The following DNAH2 variants were observed in gnomAD, a reference collection of about 807,000 sequenced individuals.
DNAH2 encodes dynein axonemal heavy chain 2, also known as axonemal beta dynein heavy chain 2.
A neutral mutation model predicts 523.5 loss-of-function variants in DNAH2; 323 were observed. The observed-to-expected ratio is 0.62, with a 90% CI of 0.56 to 0.68. The LOEUF (loss-of-function observed/expected upper bound fraction) is 0.68. Ranked by LOEUF, DNAH2 falls within the 30% of genes least tolerant of loss-of-function variation. DNAH2 has a pLI of 0.00. For synonymous variants in DNAH2, 2,093 were observed against 2,177.4 expected, an observed-to-expected ratio of 0.96 and a Z score of 1.08; for missense variants, 4,907 against 5,701.5, an observed-to-expected ratio of 0.86 and a Z score of 4.49.
At chr17:7,792,450 G>C in intron 46 of DNAH2, 107 bp downstream of exon 46, 1 of 1,236,094 alleles carries the variant, frequency 8.1e-7, no homozygotes, top group South Asian at 1.2e-5. Context: ...GAAGGAGAAG[G>C]TGGGTCCCAG....
intron 9 of DNAH2, 51 bp downstream of exon 9, chr17:7,739,989 G>T (rs1272619475): frequency 6.4e-7 from 1 of 1,550,978 alleles, no homozygotes; most frequent in Non-Finnish European, 8.7e-7. Context: ...GGCAGATCAG[G>T]CAGCCAAGAG....
chr17:7,785,862 G>A (rs1326345837), intron 39 of DNAH2, among the ~76,000 whole-genome samples: 1 of 151,306 alleles, frequency 6.6e-6, no homozygotes, highest in Non-Finnish European at 1.5e-5. Flanking sequence ...CTGTGTCAAT[G>A]AGGAAACTGA....
In DNAH2 at chr17:7,798,462, C is replaced by T; in HGVS notation, c.8399-96C>T. 6.4e-7 allele frequency: 1 copy of T among 1,554,044 alleles called. No homozygotes were observed. The highest frequency in any genetic ancestry group is 8.7e-7 in the Non-Finnish European group (1 of 1,151,466). On this transcript the variant is annotated intron_variant, in intron 54 of 85. Transcript: ENST00000572933. This position sits in a 1 kb window ranked among gnomAD's most constrained non-coding sequence, Gnocchi z 5.5. ...GGTGTAGGATGGTGTCGCGTGTATG[C>T]TGCGGGGCGGGGAGGGTTCCTAAAT...
At position 7,829,258 on chromosome 17, in the gene DNAH2, C is replaced by T. The variant is rs536342723; in HGVS notation, c.11854-1042C>T. Among the ~76,000 whole-genome samples, 12 of 152,222 alleles carry T rather than the reference C, an allele frequency of 7.9e-5. 1 individual carries two copies. The highest frequency in any genetic ancestry group is 2.6e-4 in the African/African-American group (11 of 41,526). On this transcript the variant is annotated intron_variant, in intron 77 of 85. Coordinates refer to ENST00000572933, the MANE Select transcript of DNAH2 (RefSeq NM_020877.5). ...CAAACTCCTGACCTCCTGATCTGCCCACCTCGGCCTCCCAAAGTGCTGGGA... is the reference window on the plus strand; with the variant it reads ...CAAACTCCTGACCTCCTGATCTGCCTACCTCGGCCTCCCAAAGTGCTGGGA...
rs373084871 is a variant in DNAH2 at position 7,799,187 on chromosome 17, G to A, written c.8644G>A (p.Val2882Met). 74 of 1,614,212 alleles carry A rather than the reference G, an allele frequency of 4.6e-5. No homozygotes were observed. The highest frequency in any genetic ancestry group is 4.1e-4 in the South Asian group (37 of 91,086). Residue 2882 changes from valine to methionine, a missense_variant, in exon 56 of 86, where the codon GTG (valine) becomes ATG (methionine). Coordinates refer to ENST00000572933, the MANE Select transcript of DNAH2 (RefSeq NM_020877.5). ...DSLFAYLIER[V>M]QNNLHIVLCL... ...CCTCTTCGCCTACCTCATTGAACGC[G>A]TGCAGAACAACCTGCACATCGTGCT... is the stretch of plus-strand genomic sequence containing the variant.
chr17:7,741,293 T>TCTTTCTTTCTTC lies in DNAH2; in HGVS notation c.1689+304_1689+305insTCTTTCTTCCTT, dbSNP rs1555540783. The stretch of plus-strand genomic sequence containing the variant: ...TTCTTTCTTTCTTTCTTTCTTTCTT[T>TCTTTCTTTCTTC]CTTCCTTCCTTCCCTCCCTCCCTCC... On this transcript the variant is annotated intron_variant, in intron 11 of 85. Transcript: ENST00000572933. Among the ~76,000 whole-genome samples the TCTTTCTTTCTTC allele has an allele frequency of 8.4e-3, 519 of 61,486 alleles. 4 individuals are homozygous for TCTTTCTTTCTTC. Among genetic ancestry groups the TCTTTCTTTCTTC allele is most frequent in the Non-Finnish European group, 0.012 (398 of 34,366 alleles). The allele number at this position is 61,486 out of a possible 152,430, so 40.3% of individuals were successfully genotyped here.
chr17:7,795,606 C>A (rs968474045), intron 49 of DNAH2, among the ~76,000 whole-genome samples: 2 of 149,744 alleles, frequency 1.3e-5, no homozygotes, highest in African/African-American at 4.9e-5. Context: ...CCCAGGAGGT[C>A]GAGCCTGCAG....
chr17:7,814,867 A>C (rs997011553), intron 63 of DNAH2, among the ~76,000 whole-genome samples: 1 of 152,222 alleles, frequency 6.6e-6, no homozygotes, highest in Non-Finnish European at 1.5e-5. Flanking sequence ...ACAAACAAAC[A>C]AAGTAGTTTG....
chr17:7,803,076 C>T (rs1379989200), intron 58 of DNAH2, among the ~76,000 whole-genome samples: 1 of 152,118 alleles, frequency 6.6e-6, no homozygotes, highest in Non-Finnish European at 1.5e-5. Context: ...GGGATTTTCC[C>T]CACCCAAGCA....
chr17:7,741,133 G>A, intron 11 of DNAH2, 141 bp downstream of exon 11: 12 of 1,024,754 alleles, frequency 1.2e-5, no homozygotes, highest in Non-Finnish European at 1.6e-5. Context: ...AGTTCAGTGA[G>A]GTCAGTCGTG....
rs367659721 is a variant in DNAH2, at chr17:7,741,011, C to T, written c.1689+19C>T. 1 of 1,583,766 alleles carries T rather than the reference C, an allele frequency of 6.3e-7. No homozygotes were observed. Among genetic ancestry groups the T allele is most frequent in the Non-Finnish European group, 8.6e-7 (1 of 1,158,304 alleles). On this transcript the variant is annotated intron_variant, in intron 11 of 85. Transcript: ENST00000572933. ...CATGACCGTAAGTGCCTGGCCTTCT[C>T]CATATTCTGTCGTCAGTGAGACCGC...
At chr17:7,752,432 C>A (rs189324217) in intron 12 of DNAH2, among the ~76,000 whole-genome samples, 1 of 151,860 alleles carries the variant, frequency 6.6e-6, no homozygotes, top group African/African-American at 2.4e-5. Flanking sequence ...ATGTTCAGGC[C>A]GCGCGCGGTG....
intron 25 of DNAH2, 38 bp downstream of exon 25, chr17:7,770,446 G>C (rs770716515): frequency 1.9e-6 from 3 of 1,611,822 alleles, no homozygotes; most frequent in Admixed American, 1.7e-5. Flanking sequence ...CACCTCCTGC[G>C]CCTCCTGGAG....
intron 77 of DNAH2, among the ~76,000 whole-genome samples, chr17:7,826,341 C>G (rs1392820719): frequency 6.6e-6 from 1 of 151,976 alleles, no homozygotes; most frequent in East Asian, 1.9e-4. Context: ...AGTTTTACTT[C>G]AAATAAGAAA....
At chr17:7,801,831 C>A in intron 57 of DNAH2, 47 bp from the exon 58 acceptor site, 1 of 1,613,262 alleles carries the variant, frequency 6.2e-7, no homozygotes, top group Non-Finnish European at 8.5e-7. Flanking sequence ...AGCCTCTCTC[C>A]CACTTCCGTT....
rs181719023 is a variant in DNAH2 at position 7,828,586 on chromosome 17, A to C, written c.11854-1714A>C. Among the ~76,000 whole-genome samples, 2 of 152,140 alleles carry C rather than the reference A, an allele frequency of 1.3e-5. No homozygotes were observed. Among genetic ancestry groups the C allele is most frequent in the Admixed American group, 1.3e-4 (2 of 15,290 alleles). On this transcript the variant is annotated intron_variant, in intron 77 of 85. Coordinates refer to ENST00000572933, the MANE Select transcript of DNAH2 (RefSeq NM_020877.5). The surrounding 1 kb of genome is among the most constrained non-coding windows in gnomAD (Gnocchi z 4.1). ...CCTCCATTTATTATTTATTTTAATA[A>C]AATTCTGTAATGTTCTTTTTTTATT...
At chr17:7,822,160 G>A (rs1052962581) in intron 73 of DNAH2, among the ~76,000 whole-genome samples, 32 of 152,162 alleles carry the variant, frequency 2.1e-4, no homozygotes, top group African/African-American at 6.5e-4. Context: ...TTGTAGAGGC[G>A]GGGTCCCACC....
chr17:7,819,019 G>T lies in DNAH2; in HGVS notation c.10771G>T (p.Glu3591Ter). ...ITATEVTEQL[E>*]TSETTEINTD... ...AGCCACAGAGGTGACTGAGCAGCTG[G>T]AGACCAGTGAGACCACAGAGATCAA... The change falls in exon 71 of 86, where the codon GAG (glutamate) becomes TAG (stop). Residue 3591 changes from glutamate (E) to a stop codon, truncating the protein, a stop_gained. Coordinates refer to ENST00000572933, the MANE Select transcript of DNAH2 (RefSeq NM_020877.5). LOFTEE classifies it high-confidence loss of function. The T allele has an allele frequency of 6.2e-7, 1 of 1,604,958 alleles. No individual in the cohort carries two copies.
In DNAH2 at chr17:7,754,042, T is replaced by A. The variant is rs2075766609; in HGVS notation, c.1905-3049T>A. Reference sequence around the variant, plus strand: ...GGAGTGCTAGGGGATGCTTGGTGAGTGTGATGAGGGCATTTGATGGGTGGA... The same window carrying A: ...GGAGTGCTAGGGGATGCTTGGTGAGAGTGATGAGGGCATTTGATGGGTGGA... On this transcript the variant is annotated intron_variant, in intron 12 of 85. Transcript: ENST00000572933. This position sits in a 1 kb window ranked among gnomAD's most constrained non-coding sequence, Gnocchi z 4.6. Among the ~76,000 whole-genome samples, 1 of 151,020 alleles carries A rather than the reference T, an allele frequency of 6.6e-6. No individual in the cohort carries two copies. Among genetic ancestry groups the A allele is most frequent in the Non-Finnish European group, 1.5e-5 (1 of 67,774 alleles).
Sources: gnomAD v4.1 joint callset for allele counts (sites outside exome capture counted in the v4.1 genomes callset) on GRCh38, gnomAD v4.1.1 for gene constraint, Gnocchi (gnomAD v3.1) non-coding constraint, MANE v1.5 for transcripts, NCBI Gene and HGNC (gene_info 2026-07-23, HGNC 2026-07-21) for gene names.